Variants in MAML2 observed in about 807,000 individuals in gnomAD.
MAML2 encodes the protein mastermind like transcriptional coactivator 2.
Under a neutral mutation model 96.1 loss-of-function variants are expected in MAML2, and 22 were observed. The observed-to-expected ratio is 0.23, with a 90% CI of 0.16 to 0.33. The LOEUF is 0.33. Ranked by LOEUF, MAML2 falls within the 10% of genes least tolerant of loss-of-function variation. The pLI, the probability that MAML2 is intolerant of heterozygous loss-of-function variation, is 1.00. For synonymous variants in MAML2, 561 were observed against 521.3 expected (o/e 1.08, Z -1.04); for missense variants, 1,367 against 1,392.4 (o/e 0.98, Z 0.29).
rs1173784989 is a variant in MAML2, at chr11:95,979,869, A to G, written c.2550T>C (p.Ser850=). The change falls in exon 5 of 5, where the codon TCT becomes TCC. Residue 850 remains serine, a synonymous_variant. Transcript: ENST00000524717. ...ATGGCATTCTTGTCCCGTGAGAAGT[A>G]GACAGGAGGCTGGAATTGGGAGTTA... ...TILTPNSSLL[S]TSHGTRMPSL... is the part of the protein sequence containing the mutation. The G allele has an allele frequency of 6.8e-6, 11 of 1,613,972 alleles. No homozygotes were observed. The East Asian group carries it at 2.2e-4, about 33-fold the overall frequency.
At position 95,990,812 on chromosome 11, in the gene MAML2, T is replaced by C. The variant is rs544590365; in HGVS notation, c.2343+708A>G. 3.9e-5 allele frequency among the ~76,000 whole-genome samples: 6 copies of C among 152,248 alleles called. No individual in the cohort carries two copies. The East Asian group carries it at 1.2e-3, about 29-fold the overall frequency. Reference sequence around the variant, plus strand: ...CTGGAGATGCTTACTTTTTATTTCATTTGGCCAAATAGTTTGAAGGGAGGC... The same window carrying C: ...CTGGAGATGCTTACTTTTTATTTCACTTGGCCAAATAGTTTGAAGGGAGGC... On this transcript the variant is annotated intron_variant, in intron 3 of 4. Coordinates refer to ENST00000524717, the MANE Select transcript of MAML2 (RefSeq NM_032427.4).
chr11:96,151,686 C>T (rs1380914077), intron 1 of MAML2, among the ~76,000 whole-genome samples: 1 of 152,152 alleles, frequency 6.6e-6, no homozygotes, highest in Non-Finnish European at 1.5e-5. Context: ...CTGTTCCTGG[C>T]ATGTAAGACA....
At chr11:96,182,174 T>C (rs1861496485) in intron 1 of MAML2, among the ~76,000 whole-genome samples, 1 of 148,550 alleles carries the variant, frequency 6.7e-6, no homozygotes. Context: ...CTGCCTTACC[T>C]GCCTCCCAGG....
chr11:96,289,448 C>T lies in MAML2; in HGVS notation c.513+51935G>A, dbSNP rs147151112. 5.3e-4 allele frequency among the ~76,000 whole-genome samples: 80 copies of T among 152,268 alleles called. No homozygotes were observed. In the East Asian group the frequency reaches 0.014, roughly 26 times the overall value. On this transcript the variant is annotated intron_variant, in intron 1 of 4. Coordinates refer to ENST00000524717, the MANE Select transcript of MAML2 (RefSeq NM_032427.4). Reference sequence around the variant, plus strand: ...TGTTTGCAGAATCCCATATAACTCACGAATGAATGAGTGACCTGCAACTGC... The same window carrying T: ...TGTTTGCAGAATCCCATATAACTCATGAATGAATGAGTGACCTGCAACTGC...
At chr11:96,315,215 G>T (rs1863612314) in intron 1 of MAML2, among the ~76,000 whole-genome samples, 1 of 117,678 alleles carries the variant, frequency 8.5e-6, no homozygotes, top group Admixed American at 7.8e-5. Context: ...TGGAAGGTGG[G>T]GAATGGTATT....
intron 2 of MAML2, among the ~76,000 whole-genome samples, chr11:96,032,700 G>T (rs926597988): frequency 2.0e-5 from 3 of 151,964 alleles, no homozygotes; most frequent in Non-Finnish European, 4.4e-5. Context: ...ACAATGTGAT[G>T]CTACTTCGCA....
rs115582331 is a variant in MAML2, at chr11:96,311,692, G to A, written c.513+29691C>T. Among the ~76,000 whole-genome samples the A allele has an allele frequency of 8.5e-4, 129 of 152,286 alleles. 2 individuals carry two copies. Among genetic ancestry groups the A allele is most frequent in the Middle Eastern group, 3.4e-3 (1 of 294 alleles). ...ATACACAGCTTACTTACAAGCTTTT[G>A]GAATCTAACTTTGTTATAATAGGGA... On this transcript the variant is annotated intron_variant, in intron 1 of 4. Coordinates refer to ENST00000524717, the MANE Select transcript of MAML2 (RefSeq NM_032427.4).
In MAML2 at chr11:96,212,246, T is replaced by C. The variant is rs1000555234; in HGVS notation, c.514-118729A>G. ...TCAAGAGGCAATGAGATCTGGCAGT[T>C]AAGTGAGAAAGTTAAGTTAAAGATA... On this transcript the variant is annotated intron_variant, in intron 1 of 4. Coordinates refer to ENST00000524717, the MANE Select transcript of MAML2 (RefSeq NM_032427.4). 3.3e-5 allele frequency among the ~76,000 whole-genome samples: 5 copies of C among 150,056 alleles called. No individual in the cohort carries two copies. The East Asian group carries it at 9.9e-4, about 30-fold the overall frequency.
At chr11:96,146,568 G>A (rs1860825639) in intron 1 of MAML2, among the ~76,000 whole-genome samples, 1 of 152,122 alleles carries the variant, frequency 6.6e-6, no homozygotes, top group South Asian at 2.1e-4. Context: ...TGTGTGAGCT[G>A]ATCACACCAT....
chr11:96,031,359 T>TG (rs1858611858), intron 2 of MAML2, among the ~76,000 whole-genome samples: 2 of 141,144 alleles, frequency 1.4e-5, no homozygotes, highest in Admixed American at 7.3e-5. Context: ...GTGTGTGTGT[T>TG]TGTGTGTTTT....
rs7123133 is a variant in MAML2 at position 95,979,733 on chromosome 11, G to T, written c.2686C>A (p.Pro896Thr). Residue 896 changes from proline (P) to threonine (T), a missense_variant, in exon 5 of 5, where the codon CCA becomes ACA. Pro to Thr is a conservative substitution (Grantham distance 38, BLOSUM62 -1). Transcript: ENST00000524717. ...GMNQLTQQRNPKQLLANQNNP... is the reference protein window; with the variant it reads ...GMNQLTQQRNTKQLLANQNNP... ...TTTTGATTTGCTAACAATTGCTTTG[G>T]GTTTCTCTGTTGGGTCAATTGATTC... 0.1 allele frequency: 163,967 copies of T among 1,613,702 alleles called. 9,896 individuals carry two copies. The highest frequency in any genetic ancestry group is 0.27 in the Admixed American group (15,990 of 60,010).
intron 2 of MAML2, among the ~76,000 whole-genome samples, chr11:95,999,250 A>G (rs520441): frequency 0.83 from 125,551 of 152,134 alleles, 51,840 homozygotes; most frequent in East Asian, 0.95. Context: ...CCTGGCTACT[A>G]GGTGTTACTT....
At chr11:96,110,521 T>C (rs552646343) in intron 1 of MAML2, among the ~76,000 whole-genome samples, 99 of 152,220 alleles carry the variant, frequency 6.5e-4, no homozygotes, top group Non-Finnish European at 1.3e-3. Flanking sequence ...TTGTTTCTTC[T>C]GCAGTAGCTA....
At chr11:95,988,631 T>G (rs1050445968) in intron 3 of MAML2, among the ~76,000 whole-genome samples, 2 of 149,994 alleles carry the variant, frequency 1.3e-5, no homozygotes, top group African/African-American at 4.9e-5. Context: ...AATTTAGGTT[T>G]CTTAAACTAC....
At chr11:96,118,404 G>A (rs966250052) in intron 1 of MAML2, among the ~76,000 whole-genome samples, 7 of 152,030 alleles carry the variant, frequency 4.6e-5, no homozygotes, top group East Asian at 1.9e-4. Context: ...CTCCCTTTGC[G>A]GTCTTTCTTC....
rs12273477 is a variant in MAML2 at position 95,979,270 on chromosome 11, C to T, written c.3149G>A (p.Arg1050Lys). ...AATCTGTGTGCTTAGCTGATTGGGT[C>T]TGAGATTCAGACCCCTGAGGGGACC... The part of the protein sequence containing the change: ...TMGPLRGLNL[R>K]PNQLSTQILP... Residue 1050 changes from arginine to lysine, a missense_variant, in exon 5 of 5, where the codon AGA (arginine) becomes AAA (lysine). Coordinates refer to ENST00000524717, the MANE Select transcript of MAML2 (RefSeq NM_032427.4). 1 of 1,613,954 alleles carries T rather than the reference C, an allele frequency of 6.2e-7. No homozygotes were observed. The highest frequency in any genetic ancestry group is 8.5e-7 in the Non-Finnish European group (1 of 1,179,892).
chr11:96,228,809 G>A (rs1047657934), intron 1 of MAML2, among the ~76,000 whole-genome samples: 3 of 152,190 alleles, frequency 2.0e-5, no homozygotes, highest in African/African-American at 7.2e-5. Flanking sequence ...GATGGCCATG[G>A]TTTCTAGACT....
At chr11:96,266,980 T>C (rs1012655862) in intron 1 of MAML2, among the ~76,000 whole-genome samples, 1 of 152,258 alleles carries the variant, frequency 6.6e-6, no homozygotes, top group African/African-American at 2.4e-5. Flanking sequence ...TTTCACATAA[T>C]AGGTCCACAG....
intron 1 of MAML2, among the ~76,000 whole-genome samples, chr11:96,121,056 A>C (rs1860331569): frequency 7.0e-6 from 1 of 143,108 alleles, no homozygotes; most frequent in African/African-American, 2.6e-5. Flanking sequence ...CTAACGAAAA[A>C]GTAGTAATCT....
Sources: gnomAD v4.1 joint callset for allele counts (sites outside exome capture counted in the v4.1 genomes callset) on GRCh38, gnomAD v4.1.1 for gene constraint, MANE v1.5 for transcripts, NCBI Gene and HGNC (gene_info 2026-07-23, HGNC 2026-07-21) for gene names.